FANCC: variants seen among roughly 807,000 people sequenced by gnomAD.
FANCC encodes Fanconi anemia group C protein.
In FANCC, 55 loss-of-function variants were observed where a neutral mutation model predicts 71.3. That is an observed-to-expected ratio of 0.77 (90% CI 0.62 to 0.97). The LOEUF is 0.97. Ranked by LOEUF, FANCC falls within the 50% of genes least tolerant of loss-of-function variation. FANCC has a pLI of 0.00. For synonymous variants in FANCC, 275 were observed against 244.9 expected, an observed-to-expected ratio of 1.12 and a Z score of -1.15; for missense variants, 678 against 670.9, an observed-to-expected ratio of 1.01 and a Z score of -0.12.
At chr9:95,163,968 T>C (rs945477702) in intron 6 of FANCC, among the ~76,000 whole-genome samples, 31 of 152,260 alleles carry the variant, frequency 2.0e-4, no homozygotes, top group African/African-American at 7.5e-4. Context: ...TAGCTTTCAC[T>C]GTGCAAATCT....
intron 5 of FANCC, 37 bp downstream of exon 5, chr9:95,172,000 T>C (rs746966024): frequency 1.7e-5 from 21 of 1,253,836 alleles, no homozygotes; most frequent in Non-Finnish European, 2.3e-5. Context: ...ACATTCAGCA[T>C]TAAACATTTC....
intron 7 of FANCC, among the ~76,000 whole-genome samples, chr9:95,148,995 C>T (rs1338373291): frequency 6.6e-6 from 1 of 151,948 alleles, no homozygotes; most frequent in African/African-American, 2.4e-5. Context: ...CCACCAGAAG[C>T]AGATATGAGA....
At chr9:95,226,146 G>A (rs1032450862) in intron 4 of FANCC, among the ~76,000 whole-genome samples, 5 of 152,118 alleles carry the variant, frequency 3.3e-5, no homozygotes, top group African/African-American at 7.2e-5. Flanking sequence ...GAAAGCAATG[G>A]CATTTTGTGG....
chr9:95,152,548 T>C lies in FANCC; in HGVS notation c.522-2461A>G, dbSNP rs550152567. Among the ~76,000 whole-genome samples, 7 of 152,352 alleles carry C rather than the reference T, an allele frequency of 4.6e-5. No homozygotes were observed. In the East Asian group the frequency reaches 9.6e-4, roughly 21 times the overall value. ...GCGGAAAGGCTTCTGTAGATCACTG[T>C]AGGGGCCTGCATATTCTTTTTGTAA... On this transcript the variant is annotated intron_variant, in intron 6 of 14. Transcript: ENST00000289081.
intron 1 of FANCC, among the ~76,000 whole-genome samples, chr9:95,266,250 TA>T (rs1832378429): frequency 6.6e-6 from 1 of 152,128 alleles, no homozygotes; most frequent in Non-Finnish European, 1.5e-5. Flanking sequence ...AACCACAATA[TA>T]AAAAATATAC....
chr9:95,163,797 C>T (rs957016386), intron 6 of FANCC, among the ~76,000 whole-genome samples: 14 of 152,184 alleles, frequency 9.2e-5, no homozygotes, highest in African/African-American at 2.9e-4. Flanking sequence ...TAAAGTGAGC[C>T]GAGATTGCGC....
At chr9:95,271,613 C>T (rs979350550) in intron 1 of FANCC, among the ~76,000 whole-genome samples, 1 of 152,130 alleles carries the variant, frequency 6.6e-6, no homozygotes, top group South Asian at 2.1e-4. Flanking sequence ...CTTGATCCAA[C>T]AAGTTTGTAG....
chr9:95,111,393 CCCTCTCTGCAAGCT>C, intron 13 of FANCC, 56 bp downstream of exon 13: 1 of 1,597,278 alleles, frequency 6.3e-7, no homozygotes, highest in Non-Finnish European at 8.5e-7. Context: ...ACAACAGAGC[CCCTCTCTGCAAGCT>C]CCTCTCAGCC....
chr9:95,262,587 A>G (rs567193513), intron 1 of FANCC, among the ~76,000 whole-genome samples: 1 of 152,334 alleles, frequency 6.6e-6, no homozygotes, highest in Admixed American at 6.5e-5. Flanking sequence ...AACTAAACAT[A>G]GAATTACCAT....
intron 1 of FANCC, among the ~76,000 whole-genome samples, chr9:95,314,120 T>G (rs1462950263): frequency 6.6e-6 from 1 of 152,118 alleles, no homozygotes; most frequent in Non-Finnish European, 1.5e-5. Context: ...ACTAAAGGCA[T>G]CCACATGGAA....
chr9:95,268,109 C>T (rs1195583072), intron 1 of FANCC, among the ~76,000 whole-genome samples: 1 of 152,232 alleles, frequency 6.6e-6, no homozygotes, highest in Non-Finnish European at 1.5e-5. Flanking sequence ...CTCTCCCCTA[C>T]CAGTTGGTGG....
intron 11 of FANCC, 138 bp downstream of exon 11, chr9:95,117,177 G>T: frequency 1.3e-6 from 1 of 777,136 alleles, no homozygotes; most frequent in Non-Finnish European, 2.2e-6. Flanking sequence ...GTGGGATCCT[G>T]GGGGCTTAAA....
chr9:95,136,969 T>C (rs1345053658), intron 7 of FANCC, among the ~76,000 whole-genome samples: 1 of 152,208 alleles, frequency 6.6e-6, no homozygotes, highest in Admixed American at 6.5e-5. Context: ...ACCTGCCCTT[T>C]ACCTGCACAT....
intron 1 of FANCC, chr9:95,292,354 C>A: frequency 1.1e-6 from 1 of 943,366 alleles, no homozygotes; most frequent in Non-Finnish European, 1.3e-6. Flanking sequence ...GCCTCGGAGG[C>A]GGTGGCGGCG....
chr9:95,187,787 C>T (rs549217039), intron 4 of FANCC, among the ~76,000 whole-genome samples: 74 of 152,080 alleles, frequency 4.9e-4, no homozygotes, highest in Non-Finnish European at 9.7e-4. Flanking sequence ...CCCACCTCTG[C>T]CGGAGTGACC....
intron 3 of FANCC, among the ~76,000 whole-genome samples, chr9:95,242,479 C>CA (rs1162048314): frequency 0.041 from 2,304 of 55,794 alleles, 56 homozygotes; most frequent in East Asian, 0.093. Context: ...CATTCACCAC[C>CA]AAAAAAAAAA....
chr9:95,205,249 G>A (rs937369288), intron 4 of FANCC, among the ~76,000 whole-genome samples: 9 of 151,996 alleles, frequency 5.9e-5, no homozygotes, highest in African/African-American at 2.2e-4. Context: ...GTAAAAAAAG[G>A]TATAGTATAC....
intron 5 of FANCC, 134 bp downstream of exon 5, chr9:95,171,903 C>T (rs540042816): frequency 1.2e-5 from 8 of 675,446 alleles, no homozygotes; most frequent in Non-Finnish European, 1.9e-5. Context: ...CATAAGTCTG[C>T]CCAAGGTAAG....
In FANCC at chr9:95,159,206, C is replaced by T. The variant is rs143302554; in HGVS notation, c.522-9119G>A. 1.2e-3 allele frequency among the ~76,000 whole-genome samples: 181 copies of T among 152,262 alleles called. 2 individuals carry two copies. Among genetic ancestry groups the T allele is most frequent in the African/African-American group, 4.2e-3 (176 of 41,540 alleles). On this transcript the variant is annotated intron_variant, in intron 6 of 14. Transcript: ENST00000289081. ...TTGCCCCCCACTCCACAACAAGCCC[C>T]AGGGTGTGATGTTCCCCACCCTGTG...
Sources: allele counts gnomAD v4.1 joint callset (sites outside exome capture counted in the v4.1 genomes callset), GRCh38; gene constraint gnomAD v4.1.1; transcripts MANE v1.5; gene names NCBI Gene and HGNC (gene_info 2026-07-23, HGNC 2026-07-21).